Variants in LRP2 observed in about 807,000 individuals in gnomAD.
LRP2 encodes the protein low-density lipoprotein receptor-related protein 2.
Under a neutral mutation model 531.0 loss-of-function variants are expected in LRP2, and 172 were observed. The ratio of observed to expected loss-of-function variants is 0.32; its 90% CI spans 0.29 to 0.37. The LOEUF (loss-of-function observed/expected upper bound fraction) is 0.37, where lower values mean the gene tolerates loss of function less well. Among genes scored for constraint, LRP2 ranks in the 10% least tolerant of loss-of-function variants. The probability of loss-of-function intolerance (pLI) is 1.00; values close to 1 mark genes in which losing one functional copy is unlikely to be tolerated. For missense variants in LRP2, 5,167 were observed against 5,868.3 expected (o/e 0.88, Z 3.90); for synonymous variants, 1,992 against 2,027.6 (o/e 0.98, Z 0.47).
chr2:169,203,471 C>T (rs760320359), intron 42 of LRP2, among the ~76,000 whole-genome samples: 4 of 152,148 alleles, frequency 2.6e-5, no homozygotes, highest in Non-Finnish European at 5.9e-5. Flanking sequence ...ATTTAAAATG[C>T]CTTCATAGGC....
Position 169,236,034 on chromosome 2 carries a change from G to A in LRP2, c.4726C>T (p.His1576Tyr), listed in dbSNP as rs1334507755. 1.2e-6 allele frequency: 2 copies of A among 1,613,938 alleles called. No individual in the cohort carries two copies. The highest frequency in any genetic ancestry group is 3.3e-5 in the Admixed American group (2 of 59,994). Reference protein sequence around the residue: ...HLLFWSDWGHHPRIERASMDG... With the variant: ...HLLFWSDWGHYPRIERASMDG... ...ATGCTGGCTCGCTCGATGCGAGGGT[G>A]GTGGCCCCAGTCAGACCAGAACAGT... Residue 1576 changes from histidine (H) to tyrosine (Y), a missense_variant, in exon 29 of 79, where the codon CAC (histidine) becomes TAC (tyrosine). This residue lies in a region of LRP2 where 2,811 missense variants were observed against 3,058.0 expected (regional missense o/e 0.92). Transcript: ENST00000649046.
At chr2:169,152,764 A>G (rs1289545318) in intron 67 of LRP2, 35 bp downstream of exon 67, 1 of 1,613,200 alleles carries the variant, frequency 6.2e-7, no homozygotes, top group Non-Finnish European at 8.5e-7. Flanking sequence ...CCAGGAAAAC[A>G]GAACAGGTAA....
intron 30 of LRP2, 100 bp from the exon 31 acceptor site, chr2:169,231,942 A>G (rs1188950699): frequency 2.1e-6 from 3 of 1,439,154 alleles, no homozygotes; most frequent in Non-Finnish European, 2.9e-6. Flanking sequence ...GCCCCAGTAC[A>G]GGGGGGCTTA....
chr2:169,162,642 A>C, intron 62 of LRP2, 42 bp from the exon 63 acceptor site: 1 of 1,599,722 alleles, frequency 6.3e-7, no homozygotes, highest in Non-Finnish European at 8.6e-7. Flanking sequence ...TTTTTCTTTT[A>C]TGAAGCAAGA....
At chr2:169,320,955 G>C in intron 1 of LRP2, 71 bp from the exon 2 acceptor site, 4 of 1,121,626 alleles carry the variant, frequency 3.6e-6, no homozygotes, top group Non-Finnish European at 5.4e-6. Flanking sequence ...ATAAATTTTT[G>C]ATAAAATGAA....
In LRP2 at chr2:169,173,220, G is replaced by T; in HGVS notation, c.11019C>A (p.Ser3673Arg). 6.2e-7 allele frequency: 1 copy of T among 1,614,178 alleles called. No individual in the cohort carries two copies. The highest frequency in any genetic ancestry group is 1.6e-4 in the Middle Eastern group (1 of 6,062). Residue 3673 changes from serine to arginine, a missense_variant, in exon 57 of 79, where the codon AGC becomes AGA. Transcript: ENST00000649046. The stretch of plus-strand genomic sequence containing the variant: ...TGAAGTTGTCACAGAGATGGGCAGA[G>T]CTCACTGAAAAGGGAGGAGGCATCA... ...HSDEPIEECM[S>R]SAHLCDNFTE...
chr2:169,225,481 C>T (rs2105360100), intron 32 of LRP2, 28 bp from the exon 33 acceptor site: 1 of 1,613,284 alleles, frequency 6.2e-7, no homozygotes, highest in Middle Eastern at 1.7e-4. Context: ...GGGAGGTGAG[C>T]AGTTCCAAGG....
intron 54 of LRP2, among the ~76,000 whole-genome samples, chr2:169,175,976 G>A (rs1687177837): frequency 6.6e-6 from 1 of 152,194 alleles, no homozygotes; most frequent in Non-Finnish European, 1.5e-5. Context: ...ATGTTTCATA[G>A]CAAACACAAA....
chr2:169,162,728 G>A, intron 62 of LRP2, 128 bp from the exon 63 acceptor site: 1 of 988,570 alleles, frequency 1.0e-6, no homozygotes, highest in South Asian at 1.4e-5. Context: ...AGTCTCCCTT[G>A]CAGCTGGGTT....
chr2:169,211,383 C>T (rs796699114), intron 37 of LRP2, among the ~76,000 whole-genome samples: 8 of 152,280 alleles, frequency 5.3e-5, no homozygotes, highest in African/African-American at 1.9e-4. Context: ...TCGTTTCATA[C>T]ATTCACAGTA....
intron 46 of LRP2, 46 bp from the exon 47 acceptor site, chr2:169,193,938 T>G: frequency 6.2e-7 from 1 of 1,612,830 alleles, no homozygotes; most frequent in Non-Finnish European, 8.5e-7. Context: ...TGGTTTACAG[T>G]CCAGGAATCT....
chr2:169,133,147 G>A (rs754004327), intron 76 of LRP2, among the ~76,000 whole-genome samples: 16 of 152,004 alleles, frequency 1.1e-4, no homozygotes, highest in Non-Finnish European at 1.6e-4. Context: ...TCCTATCTTC[G>A]GAAATTAAGA....
Position 169,238,159 on chromosome 2 carries a change from T to C in LRP2, c.4438A>G (p.Ile1480Val). 1 of 1,614,174 alleles carries C rather than the reference T, an allele frequency of 6.2e-7. No homozygotes were observed. The highest frequency in any genetic ancestry group is 1.1e-5 in the South Asian group (1 of 91,078). ...AVDFDSISGRIFWSDATQGKT... is the reference protein window; with the variant it reads ...AVDFDSISGRVFWSDATQGKT... ...CCCTGAGTTGCATCAGACCAAAAGA[T>C]ACGACCACTAATTGAATCAAAATCA... The change falls in exon 27 of 79, where the codon ATC becomes GTC. Residue 1480 changes from isoleucine to valine, a missense_variant. By Grantham distance (29) the Ile-to-Val change is conservative. Around this residue, in one of 6 missense-constraint regions of LRP2, gnomAD observed 2,811 missense variants for 3,058.0 expected, o/e 0.92. Coordinates refer to ENST00000649046, the MANE Select transcript of LRP2 (RefSeq NM_004525.3).
intron 1 of LRP2, among the ~76,000 whole-genome samples, chr2:169,337,887 G>A (rs987863573): frequency 2.6e-5 from 4 of 152,124 alleles, no homozygotes; most frequent in East Asian, 1.9e-4. Flanking sequence ...CAGGAGGATC[G>A]CTTGAGCCCA....
Position 169,279,386 on chromosome 2 carries a change from C to A in LRP2, c.1551G>T (p.Val517=), listed in dbSNP as rs772896838. 6.2e-7 allele frequency: 1 copy of A among 1,613,482 alleles called. No homozygotes were observed. Among genetic ancestry groups the A allele is most frequent in the Non-Finnish European group, 8.5e-7 (1 of 1,179,530 alleles). ...ENLGHPRGIA[V]DPTVGYLFFS... is the part of the protein sequence containing the mutation. ...ACATCACTTACCCAACAGTTGGGTC[C>A]ACGGCAATTCCTCTAGGATGCCCCA... The change falls in exon 12 of 79, where the codon GTG becomes GTT. Residue 517 remains valine, a synonymous_variant. Coordinates refer to ENST00000649046, the MANE Select transcript of LRP2 (RefSeq NM_004525.3).
intron 49 of LRP2, among the ~76,000 whole-genome samples, chr2:169,187,612 A>G (rs1687677969): frequency 6.6e-6 from 1 of 152,242 alleles, no homozygotes; most frequent in African/African-American, 2.4e-5. Flanking sequence ...GAACAGGCCA[A>G]CGAGTTCTAG....
At chr2:169,291,987 G>A (rs1162661278) in intron 7 of LRP2, among the ~76,000 whole-genome samples, 1 of 152,170 alleles carries the variant, frequency 6.6e-6, no homozygotes, top group Non-Finnish European at 1.5e-5. Context: ...AGAAGAGACA[G>A]AGACTGTCCT....
At chr2:169,359,453 T>C (rs1384093621) in intron 1 of LRP2, among the ~76,000 whole-genome samples, 2 of 152,236 alleles carry the variant, frequency 1.3e-5, no homozygotes, top group East Asian at 1.9e-4. Flanking sequence ...AGCTCTTTTT[T>C]TTCCCCTCCA....
At chr2:169,283,302 A>G (rs915381068) in intron 9 of LRP2, among the ~76,000 whole-genome samples, 14 of 152,244 alleles carry the variant, frequency 9.2e-5, no homozygotes, top group Non-Finnish European at 1.5e-4. Context: ...CTACAAATAT[A>G]TAAATTTTGG....
Sources: gnomAD v4.1 joint callset for allele counts (sites outside exome capture counted in the v4.1 genomes callset) on GRCh38, gnomAD v4.1.1 for gene constraint, gnomAD v4.1.1 regional missense constraint, MANE v1.5 for transcripts, NCBI Gene and HGNC (gene_info 2026-07-23, HGNC 2026-07-21) for gene names.